The following ROR1 variants were observed in gnomAD, a reference collection of about 807,000 sequenced individuals.
ROR1 encodes the protein inactive tyrosine-protein kinase transmembrane receptor ROR1.
In ROR1, 19 loss-of-function variants were observed where a neutral mutation model predicts 78.8. That is an observed-to-expected ratio of 0.24 (90% CI 0.17 to 0.35). The LOEUF (loss-of-function observed/expected upper bound fraction) is 0.35, where lower values mean the gene tolerates loss of function less well. Ranked by LOEUF, ROR1 falls within the 10% of genes least tolerant of loss-of-function variation. ROR1 has a pLI of 1.00. For synonymous variants in ROR1, 386 were observed against 433.6 expected (o/e 0.89, Z 1.36); for missense variants, 917 against 1,177.8 (o/e 0.78, Z 3.24).
intron 1 of ROR1, among the ~76,000 whole-genome samples, chr1:63,806,323 T>A (rs1569742853): frequency 6.6e-6 from 1 of 150,696 alleles, no homozygotes; most frequent in African/African-American, 2.4e-5. Context: ...ACTATTTTTT[T>A]TTTTTTTTTT....
chr1:64,021,947 A>G (rs962994587), intron 2 of ROR1, among the ~76,000 whole-genome samples: 1 of 152,230 alleles, frequency 6.6e-6, no homozygotes, highest in Non-Finnish European at 1.5e-5. Flanking sequence ...GTACGCACAT[A>G]TTCATAGCTG....
chr1:63,840,056 T>C (rs958864133), intron 1 of ROR1, among the ~76,000 whole-genome samples: 12 of 151,972 alleles, frequency 7.9e-5, no homozygotes, highest in African/African-American at 2.4e-4. Flanking sequence ...GAAATGAGAG[T>C]TGGTAAATGG....
chr1:64,098,200 G>T (rs1647375741), intron 4 of ROR1, among the ~76,000 whole-genome samples: 1 of 152,168 alleles, frequency 6.6e-6, no homozygotes, highest in South Asian at 2.1e-4. Flanking sequence ...TGTGCTGTGA[G>T]TGAGAAGTGA....
intron 1 of ROR1, among the ~76,000 whole-genome samples, chr1:63,813,732 A>G (rs1416875542): frequency 6.6e-6 from 1 of 152,224 alleles, no homozygotes. Context: ...TGAGACCCAC[A>G]TTTATATTGA....
rs1649152895 is a variant in ROR1 at position 64,137,464 on chromosome 1, A to G, written c.578A>G (p.His193Arg). ...CGCACCGTCTATATGGAGTCTTTGC[A>G]CATGCAAGGGGAAATAGAAAATCAG... Reference protein sequence around the residue: ...GNRTVYMESLHMQGEIENQIT... With the variant: ...GNRTVYMESLRMQGEIENQIT... The change falls in exon 5 of 9, where the codon CAC (histidine) becomes CGC (arginine). Residue 193 changes from histidine (H) to arginine (R), a missense_variant. Transcript: ENST00000371079. 6.2e-7 allele frequency: 1 copy of G among 1,613,760 alleles called. No individual in the cohort carries two copies. Among genetic ancestry groups the G allele is most frequent in the Admixed American group, 1.7e-5 (1 of 59,988 alleles).
Position 63,774,441 on chromosome 1 carries a change from G to A in ROR1, c.24G>A (p.Gly8=). 8.5e-7 allele frequency: 1 copy of A among 1,177,394 alleles called. No individual in the cohort carries two copies. Among genetic ancestry groups the A allele is most frequent in the Non-Finnish European group, 1.0e-6 (1 of 957,910 alleles). The allele number at this position is 1,177,394 out of a possible 1,614,324, so 72.9% of individuals were successfully genotyped here. ...GAATGCACCGGCCGCGCCGCCGCGG[G>A]ACGCGCCCGCCGCTCCTGGCGCTGC... The part of the protein sequence containing the change: MHRPRRR[G]TRPPLLALLA... The change falls in exon 1 of 9, where the codon GGG becomes GGA. Residue 8 remains glycine, a synonymous_variant. Coordinates refer to ENST00000371079, the MANE Select transcript of ROR1 (RefSeq NM_005012.4). This position sits in a 1 kb window ranked among gnomAD's most constrained non-coding sequence, Gnocchi z 5.7.
chr1:63,826,791 C>T (rs950200273), intron 1 of ROR1, among the ~76,000 whole-genome samples: 1 of 151,952 alleles, frequency 6.6e-6, no homozygotes, highest in African/African-American at 2.4e-5. Flanking sequence ...TCCTTTTTCT[C>T]CACAACCTCA....
chr1:64,043,350 A>G (rs779766621), intron 2 of ROR1, among the ~76,000 whole-genome samples: 54 of 152,226 alleles, frequency 3.5e-4, no homozygotes, highest in Non-Finnish European at 6.6e-4. Context: ...TTAAATGCCT[A>G]TGAAGTTCAC....
At chr1:63,791,538 G>A (rs1270800884) in intron 1 of ROR1, among the ~76,000 whole-genome samples, 1 of 152,122 alleles carries the variant, frequency 6.6e-6, no homozygotes, top group Non-Finnish European at 1.5e-5. Context: ...CTGTAAGCCA[G>A]TTCCCACCAT....
chr1:63,784,808 G>A (rs529546110), intron 1 of ROR1, among the ~76,000 whole-genome samples: 41 of 152,358 alleles, frequency 2.7e-4, no homozygotes, highest in African/African-American at 7.9e-4. Flanking sequence ...TTGTTGGTGT[G>A]TGATCGAAGC....
At chr1:63,937,834 T>C (rs1645805733) in intron 1 of ROR1, among the ~76,000 whole-genome samples, 1 of 152,248 alleles carries the variant, frequency 6.6e-6, no homozygotes, top group Non-Finnish European at 1.5e-5. Context: ...TCTGTAGATG[T>C]TGATTAGTTA....
At chr1:64,066,446 T>C (rs555709140) in intron 4 of ROR1, among the ~76,000 whole-genome samples, 20 of 151,982 alleles carry the variant, frequency 1.3e-4, no homozygotes, top group African/African-American at 4.8e-4. Context: ...GCCTCCCAAG[T>C]AGCTGGGACT....
chr1:64,168,149 C>A (rs971040946), intron 8 of ROR1, among the ~76,000 whole-genome samples: 1 of 152,154 alleles, frequency 6.6e-6, no homozygotes, highest in African/African-American at 2.4e-5. Context: ...CACTTTATGT[C>A]CGAGAGCAGA....
intron 4 of ROR1, among the ~76,000 whole-genome samples, chr1:64,093,207 G>GTC (rs370778475): frequency 1.3e-5 from 2 of 152,140 alleles, no homozygotes; most frequent in African/African-American, 2.4e-5. Context: ...AGCTGGATGA[G>GTC]TCTCTCTCTC....
intron 4 of ROR1, among the ~76,000 whole-genome samples, chr1:64,098,438 GTC>G (rs1170969765): frequency 6.6e-6 from 1 of 152,090 alleles, no homozygotes; most frequent in Non-Finnish European, 1.5e-5. Context: ...AGGTTCCGCG[GTC>G]TCTCTTAAGA....
At chr1:63,881,691 AG>A (rs1397289822) in intron 1 of ROR1, among the ~76,000 whole-genome samples, 1 of 152,186 alleles carries the variant, frequency 6.6e-6, no homozygotes, top group East Asian at 1.9e-4. Flanking sequence ...TTCACTCACC[AG>A]GTGTTTATTG....
intron 1 of ROR1, among the ~76,000 whole-genome samples, chr1:63,823,624 A>AT (rs1368555500): frequency 6.6e-6 from 1 of 151,276 alleles, no homozygotes; most frequent in African/African-American, 2.4e-5. Flanking sequence ...TAATTGTTTT[A>AT]TTTTTTGTGG....
chr1:64,027,502 G>C (rs1053643933), intron 2 of ROR1, among the ~76,000 whole-genome samples: 1 of 151,970 alleles, frequency 6.6e-6, no homozygotes. Flanking sequence ...CCATTCACTT[G>C]CATCTCCCTT....
At chr1:63,922,420 A>G (rs956518028) in intron 1 of ROR1, among the ~76,000 whole-genome samples, 1 of 152,178 alleles carries the variant, frequency 6.6e-6, no homozygotes, top group Non-Finnish European at 1.5e-5. Context: ...ATAAGACTAT[A>G]AAGTTAGCAA....
Sources: gnomAD v4.1 joint callset for allele counts (sites outside exome capture counted in the v4.1 genomes callset) on GRCh38, gnomAD v4.1.1 for gene constraint, Gnocchi (gnomAD v3.1) non-coding constraint, MANE v1.5 for transcripts, NCBI Gene and HGNC (gene_info 2026-07-23, HGNC 2026-07-21) for gene names.